The following LGALS8 variants were observed in gnomAD, a reference collection of about 807,000 sequenced individuals.
The protein encoded by LGALS8 is galectin-8.
LGALS8 carries 30 observed loss-of-function variants against 35.9 expected under a neutral mutation model. That is an observed-to-expected ratio of 0.83 (90% CI 0.62 to 1.13). The LOEUF is 1.13. Ranked by LOEUF, LGALS8 falls within the 50% of genes most tolerant of loss-of-function variation. The probability of loss-of-function intolerance (pLI) is 0.00; values close to 1 mark genes in which losing one functional copy is unlikely to be tolerated. For missense variants in LGALS8, 366 were observed against 388.7 expected (o/e 0.94, Z 0.49); for synonymous variants, 138 against 136.1 (o/e 1.01, Z -0.10).
intron 2 of LGALS8, among the ~76,000 whole-genome samples, chr1:236,529,645 CTCTT>C (rs1661035380): frequency 9.2e-6 from 1 of 108,652 alleles, no homozygotes; most frequent in Non-Finnish European, 1.9e-5. Context: ...TTTCTTTCTT[CTCTT>C]TTTTTTTTTT....
At chr1:236,531,977 A>G (rs1661175281) in intron 2 of LGALS8, among the ~76,000 whole-genome samples, 1 of 152,210 alleles carries the variant, frequency 6.6e-6, no homozygotes, top group Admixed American at 6.5e-5. Flanking sequence ...ATGTGCTTAC[A>G]TCCTCCAGCA....
At chr1:236,547,300 G>GT (rs1200431887) in intron 9 of LGALS8, among the ~76,000 whole-genome samples, 1 of 152,178 alleles carries the variant, frequency 6.6e-6, no homozygotes, top group African/African-American at 2.4e-5. Context: ...GTTTTTCATT[G>GT]TTTGAGTTTT....
upstream of LGALS8, chr1:236,518,630 A>C (rs546629227): frequency 6.6e-6 from 1 of 152,306 alleles, no homozygotes; most frequent in South Asian, 2.1e-4. Context: ...TGTATAATCC[A>C]TTGTGGCAAA....
Position 236,542,350 on chromosome 1 carries a change from C to T in LGALS8, c.523-411C>T, listed in dbSNP as rs530394640. 87 of 207,016 alleles carry T rather than the reference C, an allele frequency of 4.2e-4. 1 individual carries two copies. Among genetic ancestry groups the T allele is most frequent in the Non-Finnish European group, 6.0e-4 (62 of 102,952 alleles). 12.8% of individuals were successfully genotyped at this position (207,016 alleles called of 1,614,324 possible). On this transcript the variant is annotated intron_variant, in intron 6 of 9. Transcript: ENST00000366584. ...TTAAAAAATTATCTGGGCATGGTGG[C>T]GCATGGCTGTGATCCCAGCTTTGGG...
rs761713983 is a variant in LGALS8, at chr1:236,548,229, C to T, written c.*68C>T. On this transcript the variant is annotated 3_prime_UTR_variant, in exon 10 of 10. Coordinates refer to ENST00000366584, the MANE Select transcript of LGALS8 (RefSeq NM_201544.4). ...TTCTGTGATACTGGCCTTGCTGAAA[C>T]GCATCTCACTGTCATTCTATTGTTT... The T allele has an allele frequency of 6.3e-5, 84 of 1,338,902 alleles. No homozygotes were observed. The highest frequency in any genetic ancestry group is 7.5e-5 in the Non-Finnish European group (72 of 954,966). The allele number at this position is 1,338,902 out of a possible 1,614,324, so 82.9% of individuals were successfully genotyped here.
At chr1:236,523,852 G>A, upstream of LGALS8, 1 of 349,140 alleles carries the variant, frequency 2.9e-6, no homozygotes, top group Non-Finnish European at 5.7e-6. Context: ...AAACCCAGCA[G>A]AGCCGCCAGG....
intron 8 of LGALS8, among the ~76,000 whole-genome samples, chr1:236,543,976 A>G (rs1031251996): frequency 1.3e-5 from 2 of 150,642 alleles, no homozygotes; most frequent in African/African-American, 4.9e-5. Flanking sequence ...ATGGAGCCTC[A>G]CTGTGTCACC....
chr1:236,521,325 A>G (rs1660543542), upstream of LGALS8, among the ~76,000 whole-genome samples: 1 of 152,174 alleles, frequency 6.6e-6, no homozygotes, highest in Non-Finnish European at 1.5e-5. Flanking sequence ...ACATTTGAGT[A>G]GACTTGAAAA....
rs760892481 is a variant in LGALS8 at position 236,544,759 on chromosome 1, TG to T, written c.649del (p.Asp217ThrfsTer3). ...VNANAKSFNV[D>X]LLAGKSKDIA... Reference sequence around the variant, plus strand: ...CTTTCTTTCTCAAAAGCTTTAATGTTGACCTACTAGCAGGAAAATCAAAGGA... The same window carrying T: ...CTTTCTTTCTCAAAAGCTTTAATGTTACCTACTAGCAGGAAAATCAAAGGA... On this transcript the variant is annotated frameshift_variant, in exon 9 of 10. Coordinates refer to ENST00000366584, the MANE Select transcript of LGALS8 (RefSeq NM_201544.4). LOFTEE classifies it high-confidence loss of function. The T allele has an allele frequency of 6.2e-7, 1 of 1,600,462 alleles. No individual in the cohort carries two copies. Among genetic ancestry groups the T allele is most frequent in the East Asian group, 2.2e-5 (1 of 44,746 alleles).
intron 9 of LGALS8, 129 bp from the exon 10 acceptor site, chr1:236,547,883 A>G (rs1662484971): frequency 1.3e-6 from 1 of 776,298 alleles, no homozygotes; most frequent in Non-Finnish European, 2.1e-6. Flanking sequence ...GTCAGAAGGA[A>G]GTCAGCAGCA....
chr1:236,540,467 C>T (rs2758994), intron 4 of LGALS8, 97 bp from the exon 5 acceptor site: 912,758 of 1,361,934 alleles, frequency 0.67, 307,533 homozygotes, highest in Non-Finnish European at 0.71. Context: ...AGGTATAAAA[C>T]TGGACGCAAG....
At chr1:236,547,411 G>GACAA (rs1021299570) in intron 9 of LGALS8, among the ~76,000 whole-genome samples, 1 of 152,266 alleles carries the variant, frequency 6.6e-6, no homozygotes, top group African/African-American at 2.4e-5. Flanking sequence ...GACGGCTTTG[G>GACAA]ACAAACACAC....
At chr1:236,546,661 C>G (rs1662382400) in intron 9 of LGALS8, among the ~76,000 whole-genome samples, 1 of 152,250 alleles carries the variant, frequency 6.6e-6, no homozygotes, top group East Asian at 1.9e-4. Flanking sequence ...GGAAGCATGT[C>G]ATTTCTTTGC....
chr1:236,541,503 G>A (rs545311957), intron 5 of LGALS8, 151 bp from the exon 6 acceptor site: 11 of 512,712 alleles, frequency 2.1e-5, no homozygotes, highest in East Asian at 7.1e-5. Flanking sequence ...GATGGGGGGC[G>A]GAAAGGACCA....
intron 3 of LGALS8, among the ~76,000 whole-genome samples, chr1:236,538,673 T>G (rs1474990571): frequency 6.6e-6 from 1 of 152,236 alleles, no homozygotes; most frequent in African/African-American, 2.4e-5. Flanking sequence ...TCTGGGCAGA[T>G]TCAGACCCAG....
rs540999366 is a variant in LGALS8 at position 236,551,769 on chromosome 1, C to T, written c.*3608C>T. The stretch of plus-strand genomic sequence containing the variant: ...AAGATCGTGAAGATTACACTGTAAA[C>T]GGACTCTCAAATGATCAGGAGGTGG... On this transcript the variant is annotated 3_prime_UTR_variant, in exon 10 of 10. Coordinates refer to ENST00000366584, the MANE Select transcript of LGALS8 (RefSeq NM_201544.4). 7 of 470,710 alleles carry T rather than the reference C, an allele frequency of 1.5e-5. No homozygotes were observed. The highest frequency in any genetic ancestry group is 7.4e-5 in the East Asian group (2 of 27,178). 29.2% of individuals were successfully genotyped at this position (470,710 alleles called of 1,614,324 possible).
At chr1:236,537,276 A>G (rs1271005292) in intron 2 of LGALS8, among the ~76,000 whole-genome samples, 1 of 151,968 alleles carries the variant, frequency 6.6e-6, no homozygotes, top group African/African-American at 2.4e-5. Flanking sequence ...CGGCCTCCCA[A>G]AGTGCTGGGA....
chr1:236,523,841 A>C, upstream of LGALS8: 1 of 348,242 alleles, frequency 2.9e-6, no homozygotes, highest in East Asian at 7.8e-5. Context: ...GTCCCTGTCC[A>C]AAACCCAGCA....
At chr1:236,545,807 G>A (rs546800497) in intron 9 of LGALS8, among the ~76,000 whole-genome samples, 1 of 152,260 alleles carries the variant, frequency 6.6e-6, no homozygotes, top group South Asian at 2.1e-4. Context: ...AATTCAGAAA[G>A]CTGGGAAGGA....
Sources: gnomAD v4.1 joint callset for allele counts (sites outside exome capture counted in the v4.1 genomes callset) on GRCh38, gnomAD v4.1.1 for gene constraint, MANE v1.5 for transcripts, NCBI Gene and HGNC (gene_info 2026-07-23, HGNC 2026-07-21) for gene names.